Variants in IGF2BP2 observed in about 807,000 individuals in gnomAD.
IGF2BP2 encodes the protein insulin like growth factor 2 mRNA binding protein 2.
IGF2BP2 carries 17 observed loss-of-function variants against 75.8 expected under a neutral mutation model. The observed-to-expected ratio is 0.22, with a 90% CI of 0.15 to 0.34. IGF2BP2 has a LOEUF of 0.34. IGF2BP2 is among the 10% of genes least tolerant of loss of function. The pLI, the probability that IGF2BP2 is intolerant of heterozygous loss-of-function variation, is 1.00. For synonymous variants in IGF2BP2, 288 were observed against 295.6 expected (o/e 0.97, Z 0.26); for missense variants, 516 against 772.4 (o/e 0.67, Z 3.93).
intron 2 of IGF2BP2, among the ~76,000 whole-genome samples, chr3:185,796,447 C>T (rs959250546): frequency 3.3e-5 from 5 of 151,340 alleles, no homozygotes; most frequent in Non-Finnish European, 7.4e-5. Context: ...CCTGTAATCC[C>T]AGCTACTCAG....
At chr3:185,791,579 TAA>T (rs1224663966) in intron 2 of IGF2BP2, among the ~76,000 whole-genome samples, 3 of 152,176 alleles carry the variant, frequency 2.0e-5, no homozygotes, top group Non-Finnish European at 4.4e-5. Context: ...CAGATAAAGA[TAA>T]GAGAGCCCCT....
chr3:185,749,434 A>ATTT (rs2149617961), intron 2 of IGF2BP2, among the ~76,000 whole-genome samples: 1 of 152,362 alleles, frequency 6.6e-6, no homozygotes, highest in African/African-American at 2.4e-5. Flanking sequence ...ATTATAATGA[A>ATTT]TGCTAAAGTC....
At chr3:185,706,825 TG>T (rs2149396544) in intron 2 of IGF2BP2, among the ~76,000 whole-genome samples, 1 of 151,394 alleles carries the variant, frequency 6.6e-6, no homozygotes, top group South Asian at 2.1e-4. Context: ...ACTGCAGCCT[TG>T]GTGTCCTGGG....
At position 185,725,815 on chromosome 3, in the gene IGF2BP2, T is replaced by A. The variant is rs556043605; in HGVS notation, c.240-27468A>T. On this transcript the variant is annotated intron_variant, in intron 2 of 15. Transcript: ENST00000382199. ...ATTGAGACCCCAATCTCTATAAAAA[T>A]TTTTTTAAAAAATTAGTCGGGCATG... 1.1e-4 allele frequency among the ~76,000 whole-genome samples: 17 copies of A among 152,212 alleles called. No homozygotes were observed. In the South Asian group the frequency reaches 2.7e-3, roughly 24 times the overall value.
chr3:185,662,675 TG>T (rs1417076133), intron 10 of IGF2BP2, among the ~76,000 whole-genome samples: 2 of 151,580 alleles, frequency 1.3e-5, no homozygotes, highest in Non-Finnish European at 2.9e-5. Flanking sequence ...CCTGAGAAGC[TG>T]GGATTACAGG....
chr3:185,689,038 A>C, intron 6 of IGF2BP2: 1 of 240,370 alleles, frequency 4.2e-6, no homozygotes, highest in Non-Finnish European at 8.0e-6. Flanking sequence ...AGTGGGTTCT[A>C]GGATCCCGCA....
intron 1 of IGF2BP2, among the ~76,000 whole-genome samples, chr3:185,824,090 T>C (rs1185912564): frequency 1.3e-5 from 2 of 149,150 alleles, no homozygotes; most frequent in Non-Finnish European, 3.0e-5. Context: ...CAGAGAAAAA[T>C]AGGAGCGCTT....
chr3:185,770,168 A>C (rs1230532518), intron 2 of IGF2BP2, among the ~76,000 whole-genome samples: 1 of 152,184 alleles, frequency 6.6e-6, no homozygotes, highest in African/African-American at 2.4e-5. Context: ...AACAGAATCT[A>C]CGTCTCATAA....
At chr3:185,687,299 G>A (rs996239060) in intron 6 of IGF2BP2, 108 bp from the exon 7 acceptor site, 3 of 1,184,634 alleles carry the variant, frequency 2.5e-6, no homozygotes, top group Non-Finnish European at 3.5e-6. Flanking sequence ...AGACAGACAA[G>A]GAGGCGTCAT....
chr3:185,711,007 AACT>A, intron 2 of IGF2BP2, among the ~76,000 whole-genome samples: 1 of 152,296 alleles, frequency 6.6e-6, no homozygotes, highest in South Asian at 2.1e-4. Context: ...ATACAATAAA[AACT>A]ACTTTTTAAA....
Position 185,692,725 on chromosome 3 carries a change from T to C in IGF2BP2, c.378A>G (p.Thr126=), listed in dbSNP as rs915779180. 6.2e-6 allele frequency: 10 copies of C among 1,614,014 alleles called. No individual in the cohort carries two copies. Among genetic ancestry groups the C allele is most frequent in the African/African-American group, 1.3e-5 (1 of 75,068 alleles). The change falls in exon 5 of 16, where the codon ACA becomes ACG. Residue 126 remains threonine, a synonymous_variant. Coordinates refer to ENST00000382199, the MANE Select transcript of IGF2BP2 (RefSeq NM_006548.6). ...TTTTTGCTTCTTCTCTTGTTGCATATGTGACGTTGACAACGGCGGTTTCTG... is the reference window on the plus strand; with the variant it reads ...TTTTTGCTTCTTCTCTTGTTGCATACGTGACGTTGACAACGGCGGTTTCTG... ...TDTETAVVNV[T]YATREEAKIA... is the part of the protein sequence containing the mutation.
intron 2 of IGF2BP2, among the ~76,000 whole-genome samples, chr3:185,763,632 C>A (rs1356428320): frequency 3.3e-5 from 5 of 152,014 alleles, no homozygotes; most frequent in Admixed American, 3.3e-4. Flanking sequence ...AACTTAAAAT[C>A]CAGAATGGAG....
intron 2 of IGF2BP2, among the ~76,000 whole-genome samples, chr3:185,811,302 A>G (rs16860244): frequency 0.036 from 5,474 of 152,284 alleles, 148 homozygotes; most frequent in African/African-American, 0.06. Flanking sequence ...AATCCTGCCT[A>G]TCAAGAAAAG....
At chr3:185,685,246 G>A (rs1720952351) in intron 7 of IGF2BP2, among the ~76,000 whole-genome samples, 1 of 152,016 alleles carries the variant, frequency 6.6e-6, no homozygotes, top group Non-Finnish European at 1.5e-5. Context: ...TGCTCGGGAG[G>A]CTGAGGCAGG....
chr3:185,753,307 C>G (rs1334948812), intron 2 of IGF2BP2, among the ~76,000 whole-genome samples: 1 of 152,170 alleles, frequency 6.6e-6, no homozygotes, highest in East Asian at 1.9e-4. Flanking sequence ...CTTCTGCCCC[C>G]TCTACTCAGC....
At chr3:185,799,822 T>C (rs1560489555) in intron 2 of IGF2BP2, among the ~76,000 whole-genome samples, 1 of 151,882 alleles carries the variant, frequency 6.6e-6, no homozygotes, top group Non-Finnish European at 1.5e-5. Flanking sequence ...ACTTTTACAC[T>C]GTTGGTGGGA....
intron 2 of IGF2BP2, among the ~76,000 whole-genome samples, chr3:185,725,603 G>A (rs1020818632): frequency 2.0e-5 from 3 of 151,998 alleles, no homozygotes; most frequent in Non-Finnish European, 2.9e-5. Context: ...GAGGAGAGGA[G>A]GTAAATTCCA....
intron 2 of IGF2BP2, among the ~76,000 whole-genome samples, chr3:185,787,618 T>C (rs1452309633): frequency 6.6e-6 from 1 of 151,998 alleles, no homozygotes; most frequent in African/African-American, 2.4e-5. Context: ...CTGTAATTTC[T>C]GCTACTCAGG....
chr3:185,763,471 G>C (rs182998897), intron 2 of IGF2BP2, among the ~76,000 whole-genome samples: 28 of 152,230 alleles, frequency 1.8e-4, no homozygotes, highest in Non-Finnish European at 2.6e-4. Context: ...GTTTATGTTT[G>C]TTACTATGGT....
Sources: gnomAD v4.1 joint callset for allele counts (sites outside exome capture counted in the v4.1 genomes callset) on GRCh38, gnomAD v4.1.1 for gene constraint, MANE v1.5 for transcripts, NCBI Gene and HGNC (gene_info 2026-07-23, HGNC 2026-07-21) for gene names.